The following COP1 variants were observed in gnomAD, a reference collection of about 807,000 sequenced individuals.
COP1 encodes E3 ubiquitin-protein ligase COP1.
Under a neutral mutation model 101.3 loss-of-function variants are expected in COP1, and 24 were observed. That is an observed-to-expected ratio of 0.24 (90% CI 0.17 to 0.33). The LOEUF (loss-of-function observed/expected upper bound fraction) is 0.33. COP1 is among the 10% of genes least tolerant of loss of function. The pLI is 1.00. For synonymous variants in COP1, 347 were observed against 341.9 expected, an observed-to-expected ratio of 1.01 and a Z score of -0.17; for missense variants, 663 against 906.2, an observed-to-expected ratio of 0.73 and a Z score of 3.45.
intron 18 of COP1, among the ~76,000 whole-genome samples, chr1:175,956,310 A>C (rs1322271270): frequency 6.6e-6 from 1 of 152,144 alleles, no homozygotes; most frequent in Non-Finnish European, 1.5e-5. Flanking sequence ...GTGTGCTAAA[A>C]CAACTGTATA....
intron 15 of COP1, among the ~76,000 whole-genome samples, chr1:176,012,650 G>GT (rs1412162700): frequency 6.6e-6 from 1 of 152,126 alleles, no homozygotes; most frequent in Admixed American, 6.5e-5. Flanking sequence ...TTCATGGTAA[G>GT]TGCTCTATAA....
chr1:176,045,615 C>T (rs1053131146), intron 12 of COP1, among the ~76,000 whole-genome samples: 2 of 144,454 alleles, frequency 1.4e-5, no homozygotes, highest in Admixed American at 6.9e-5. Flanking sequence ...TTCTAGAATT[C>T]TTCTGAGATT....
intron 1 of COP1, among the ~76,000 whole-genome samples, chr1:176,205,680 C>T (rs1490665058): frequency 6.6e-6 from 1 of 152,218 alleles, no homozygotes; most frequent in Non-Finnish European, 1.5e-5. Flanking sequence ...AAAACACTCT[C>T]AAGCAAGACA....
At chr1:176,058,489 G>A (rs1465618807) in intron 11 of COP1, among the ~76,000 whole-genome samples, 1 of 152,130 alleles carries the variant, frequency 6.6e-6, no homozygotes, top group East Asian at 1.9e-4. Flanking sequence ...AACATGTGCT[G>A]TGTCCACTCA....
chr1:176,059,107 T>C (rs905268941), intron 11 of COP1, among the ~76,000 whole-genome samples: 1 of 152,242 alleles, frequency 6.6e-6, no homozygotes. Flanking sequence ...AAGCACACTT[T>C]AATGTTTAAT....
At chr1:176,048,585 A>T (rs1218002958) in intron 11 of COP1, among the ~76,000 whole-genome samples, 1 of 152,196 alleles carries the variant, frequency 6.6e-6, no homozygotes, top group Non-Finnish European at 1.5e-5. Flanking sequence ...TGAAGGAGAA[A>T]TACTACTTTA....
intron 15 of COP1, among the ~76,000 whole-genome samples, chr1:176,008,512 T>G (rs773624359): frequency 1.2e-4 from 18 of 152,242 alleles, no homozygotes; most frequent in Non-Finnish European, 2.9e-5. Flanking sequence ...ATATTTGTCA[T>G]ATTTTCCTTT....
At chr1:176,109,550 C>T (rs1024724013) in intron 9 of COP1, among the ~76,000 whole-genome samples, 2 of 151,944 alleles carry the variant, frequency 1.3e-5, no homozygotes, top group Non-Finnish European at 2.9e-5. Flanking sequence ...ATTCATTGTA[C>T]TAATGAACTT....
At chr1:176,036,650 C>T (rs1371651702) in intron 14 of COP1, among the ~76,000 whole-genome samples, 1 of 152,032 alleles carries the variant, frequency 6.6e-6, no homozygotes, top group Non-Finnish European at 1.5e-5. Context: ...TCAGTAGGAA[C>T]CATACTTCCA....
chr1:176,062,284 G>A (rs961427051), intron 11 of COP1, among the ~76,000 whole-genome samples: 2 of 152,132 alleles, frequency 1.3e-5, no homozygotes, highest in East Asian at 1.9e-4. Context: ...TTACAGGCAT[G>A]AGCCACTGAG....
chr1:176,196,506 T>G (rs191078570), intron 1 of COP1, among the ~76,000 whole-genome samples: 9 of 152,296 alleles, frequency 5.9e-5, no homozygotes, highest in Non-Finnish European at 1.3e-4. Flanking sequence ...ACGGGTGTAA[T>G]GGAGAAACTC....
At chr1:176,053,900 C>A (rs897745709) in intron 11 of COP1, among the ~76,000 whole-genome samples, 1 of 152,128 alleles carries the variant, frequency 6.6e-6, no homozygotes, top group African/African-American at 2.4e-5. Flanking sequence ...GCAAAACTAA[C>A]CCTAGTTAAA....
At chr1:175,977,653 C>G (rs1654892048) in intron 18 of COP1, among the ~76,000 whole-genome samples, 1 of 151,896 alleles carries the variant, frequency 6.6e-6, no homozygotes, top group Non-Finnish European at 1.5e-5. Context: ...TGAGACTGTA[C>G]AAGTAAAATA....
intron 18 of COP1, among the ~76,000 whole-genome samples, chr1:175,955,559 G>C (rs1558158595): frequency 6.6e-6 from 1 of 152,090 alleles, no homozygotes; most frequent in Non-Finnish European, 1.5e-5. Context: ...ATTTGCAAAA[G>C]AGATGATGGC....
intron 19 of COP1, among the ~76,000 whole-genome samples, chr1:175,946,161 T>C (rs1446123485): frequency 6.6e-6 from 1 of 152,198 alleles, no homozygotes; most frequent in Non-Finnish European, 1.5e-5. Flanking sequence ...TTCTACCATC[T>C]TGCTTGAGGC....
intron 2 of COP1, 38 bp from the exon 3 acceptor site, chr1:176,176,045 C>T: frequency 1.0e-6 from 1 of 984,744 alleles, no homozygotes; most frequent in Non-Finnish European, 1.6e-6. Flanking sequence ...TTAATTAAAT[C>T]AATGAAAAAT....
chr1:176,043,551 CAG>C (rs1410524617), intron 13 of COP1, among the ~76,000 whole-genome samples, 157 bp downstream of exon 13: 2 of 151,542 alleles, frequency 1.3e-5, no homozygotes, highest in Non-Finnish European at 2.9e-5. Flanking sequence ...AAGTGGGAGA[CAG>C]GAAAAAAAAG....
At chr1:176,168,061 G>A (rs923883191) in intron 3 of COP1, among the ~76,000 whole-genome samples, 2 of 150,984 alleles carry the variant, frequency 1.3e-5, no homozygotes, top group African/African-American at 4.9e-5. Context: ...TTCAATTTAC[G>A]ATTTTTTTTT....
chr1:176,188,526 A>G (rs1300095923), intron 1 of COP1, among the ~76,000 whole-genome samples: 1 of 152,124 alleles, frequency 6.6e-6, no homozygotes, highest in Non-Finnish European at 1.5e-5. Context: ...AGAATGGGCA[A>G]CCCTGTGCTG....
Sources: gnomAD v4.1 joint callset for allele counts (sites outside exome capture counted in the v4.1 genomes callset) on GRCh38, gnomAD v4.1.1 for gene constraint, MANE v1.5 for transcripts, NCBI Gene and HGNC (gene_info 2026-07-23, HGNC 2026-07-21) for gene names.